STARD13: variants seen among roughly 807,000 people sequenced by gnomAD.
The protein encoded by STARD13 is StAR related lipid transfer domain containing 13.
In STARD13, 62 loss-of-function variants were observed where a neutral mutation model predicts 106.4. That is an observed-to-expected ratio of 0.58 (90% CI 0.48 to 0.72). STARD13 has a LOEUF of 0.72. STARD13 is among the 30% of genes least tolerant of loss of function. STARD13 has a pLI of 0.00. For missense variants in STARD13, 1,387 were observed against 1,424.0 expected, an observed-to-expected ratio of 0.97 and a Z score of 0.42; for synonymous variants, 565 against 553.0, an observed-to-expected ratio of 1.02 and a Z score of -0.31.
intron 1 of STARD13, among the ~76,000 whole-genome samples, chr13:33,229,787 C>G (rs1331852284): frequency 6.6e-6 from 1 of 152,226 alleles, no homozygotes; most frequent in Non-Finnish European, 1.5e-5. Context: ...ACGCATCACC[C>G]TGGCCCTGAG....
In STARD13 at chr13:33,315,188, CCTGT is replaced by C. The variant is rs1893282851; in HGVS notation, c.124+35098_124+35101del. On this transcript the variant is annotated intron_variant, in intron 1 of 5. Transcript: ENST00000567873. ...ATTAAAACACAGTTCCCCTCAGATA[CCTGT>C]CTTTGTAGCACAAATGTGAAGTAAA... 2.0e-5 allele frequency among the ~76,000 whole-genome samples: 3 copies of C among 152,196 alleles called. No individual in the cohort carries two copies. The South Asian group carries it at 6.2e-4, about 31-fold the overall frequency.
chr13:33,147,622 G>T (rs1232885572), intron 3 of STARD13, among the ~76,000 whole-genome samples: 1 of 152,172 alleles, frequency 6.6e-6, no homozygotes, highest in Non-Finnish European at 1.5e-5. Flanking sequence ...GGGAAGAGAA[G>T]ATCTGATTTC....
At position 33,246,524 on chromosome 13, in the gene STARD13, C is replaced by A. The variant is rs540319645; in HGVS notation, c.169+38946G>T. On this transcript the variant is annotated intron_variant, in intron 1 of 13. Transcript: ENST00000336934. Reference sequence around the variant, plus strand: ...GTTTCATATTTCAATAGGTTTCATACCCCTATCAACATCTTTTTAAAAATT... The same window carrying A: ...GTTTCATATTTCAATAGGTTTCATAACCCTATCAACATCTTTTTAAAAATT... Among the ~76,000 whole-genome samples, 45 of 152,226 alleles carry A rather than the reference C, an allele frequency of 3.0e-4. No homozygotes were observed. In the East Asian group the frequency reaches 4.2e-3, roughly 14 times the overall value.
chr13:33,513,825 CTATGCTGTTAAT>C, the STARD13 span, among the ~76,000 whole-genome samples: 1 of 152,122 alleles, frequency 6.6e-6, no homozygotes, highest in African/African-American at 2.4e-5. Flanking sequence ...CAACACAGTG[CTATGCTGTTAAT>C]ATGTTTCCCC....
the STARD13 span, among the ~76,000 whole-genome samples, chr13:33,465,978 A>G: frequency 6.6e-6 from 1 of 152,184 alleles, no homozygotes; most frequent in South Asian, 2.1e-4. Flanking sequence ...CCAATCACTT[A>G]TTGTATGATT....
the STARD13 span, among the ~76,000 whole-genome samples, chr13:33,398,985 C>T: frequency 6.6e-6 from 1 of 152,116 alleles, no homozygotes; most frequent in Admixed American, 6.5e-5. Flanking sequence ...AAGCTACAAA[C>T]AACTCAAAAG....
intron 1 of STARD13, among the ~76,000 whole-genome samples, chr13:33,221,768 A>G (rs541375434): frequency 2.0e-5 from 3 of 152,364 alleles, no homozygotes; most frequent in East Asian, 1.9e-4. Flanking sequence ...TCAATACCCA[A>G]AAGGTAGAAG....
intron 1 of STARD13, among the ~76,000 whole-genome samples, chr13:33,186,427 T>C (rs1372829853): frequency 6.6e-6 from 1 of 152,208 alleles, no homozygotes; most frequent in African/African-American, 2.4e-5. Context: ...GGTTAATCTT[T>C]TGCTTGAAAT....
chr13:33,578,088 C>T, the STARD13 span, among the ~76,000 whole-genome samples: 1 of 152,088 alleles, frequency 6.6e-6, no homozygotes, highest in African/African-American at 2.4e-5. Flanking sequence ...CCAAAGCAAT[C>T]TACAGATTCA....
the STARD13 span, among the ~76,000 whole-genome samples, chr13:33,652,638 T>A: frequency 1.3e-4 from 20 of 152,338 alleles, no homozygotes; most frequent in Non-Finnish European, 2.2e-4. Flanking sequence ...TTTTCATTAA[T>A]GACATACACA....
At chr13:33,311,147 AAT>A (rs1239173228) in intron 1 of STARD13, among the ~76,000 whole-genome samples, 256 of 149,700 alleles carry the variant, frequency 1.7e-3, no homozygotes, top group African/African-American at 6.1e-3. Flanking sequence ...AAAAAAAAAA[AAT>A]AGTTGGGTGT....
chr13:33,201,735 A>C (rs1887054087), intron 1 of STARD13, among the ~76,000 whole-genome samples: 1 of 152,184 alleles, frequency 6.6e-6, no homozygotes, highest in East Asian at 1.9e-4. Context: ...CCTTATTTTC[A>C]ACATTTTCTA....
chr13:33,578,191 C>T, the STARD13 span, among the ~76,000 whole-genome samples: 1 of 151,946 alleles, frequency 6.6e-6, no homozygotes, highest in Admixed American at 6.6e-5. Context: ...CTTCAATAGC[C>T]AGAGCAATCC....
chr13:33,284,952 C>G (rs999463558), intron 1 of STARD13, among the ~76,000 whole-genome samples: 7 of 152,170 alleles, frequency 4.6e-5, no homozygotes, highest in African/African-American at 1.7e-4. Flanking sequence ...TCTGTGGCAA[C>G]TGCTGACATA....
At chr13:33,519,818 G>A in the STARD13 span, 1 of 152,042 alleles carries the variant, frequency 6.6e-6, no homozygotes, top group Non-Finnish European at 1.5e-5. Context: ...TGAGGTATTC[G>A]TAATATTTCC....
intron 1 of STARD13, among the ~76,000 whole-genome samples, chr13:33,203,254 T>C (rs1887180226): frequency 7.2e-6 from 1 of 138,202 alleles, no homozygotes; most frequent in Non-Finnish European, 1.6e-5. Context: ...TGGCTTCTGA[T>C]GTCCTTTGCA....
the STARD13 span, among the ~76,000 whole-genome samples, chr13:33,501,895 T>C: frequency 3.3e-5 from 5 of 152,118 alleles, no homozygotes; most frequent in Non-Finnish European, 7.4e-5. Context: ...ATCTTTAAAG[T>C]AGTTGTTTCC....
chr13:33,531,527 C>G, the STARD13 span, among the ~76,000 whole-genome samples: 10 of 152,118 alleles, frequency 6.6e-5, no homozygotes, highest in Non-Finnish European at 1.5e-4. Context: ...TTGTCTTGTA[C>G]ATTTCCTTCC....
chr13:33,620,846 A>G, the STARD13 span, among the ~76,000 whole-genome samples: 8 of 151,326 alleles, frequency 5.3e-5, no homozygotes, highest in African/African-American at 1.5e-4. Flanking sequence ...TGCCAAAAAT[A>G]GTTGGATATT....
Sources: allele counts gnomAD v4.1 joint callset (sites outside exome capture counted in the v4.1 genomes callset), GRCh38; gene constraint gnomAD v4.1.1; transcripts MANE v1.5; gene names NCBI Gene and HGNC (gene_info 2026-07-23, HGNC 2026-07-21).